The following FOLH1 variants were observed in gnomAD, a reference collection of about 807,000 sequenced individuals.
FOLH1 encodes folate hydrolase 1.
FOLH1 carries 54 observed loss-of-function variants against 93.9 expected under a neutral mutation model. That is an observed-to-expected ratio of 0.57 (90% confidence interval 0.46 to 0.72). FOLH1 has a LOEUF of 0.72. FOLH1 is among the 30% of genes least tolerant of loss of function. The pLI is 0.00. For missense variants in FOLH1, 571 were observed against 892.5 expected (o/e 0.64, Z 4.59); for synonymous variants, 249 against 303.6 (o/e 0.82, Z 1.87).
At chr11:49,147,968 T>C (rs1292384070) in intron 18 of FOLH1, among the ~76,000 whole-genome samples, 1 of 151,924 alleles carries the variant, frequency 6.6e-6, no homozygotes, top group Non-Finnish European at 1.5e-5. Context: ...AAAAATATGC[T>C]GCTACTGGTG....
chr11:49,201,519 A>C lies in FOLH1; in HGVS notation c.225-1078T>G, dbSNP rs866126114. ...TTCCTGTAACTTGTTTACTTTAATA[A>C]TTATATTAAAGTTATTTAAATTGTA... On this transcript the variant is annotated intron_variant, in intron 2 of 18. Coordinates refer to ENST00000256999, the MANE Select transcript of FOLH1 (RefSeq NM_004476.3). Among the ~76,000 whole-genome samples the C allele has an allele frequency of 4.6e-5, 7 of 151,694 alleles. 1 individual carries two copies. In the South Asian group the frequency reaches 1.5e-3, roughly 32 times the overall value.
At chr11:49,154,982 G>C (rs1407240476) in intron 15 of FOLH1, among the ~76,000 whole-genome samples, 1 of 151,964 alleles carries the variant, frequency 6.6e-6, no homozygotes, top group Non-Finnish European at 1.5e-5. Context: ...AGTGGTGAGG[G>C]GTGCAGTAGT....
chr11:49,196,420 T>A (rs12804232), intron 3 of FOLH1, among the ~76,000 whole-genome samples: 2 of 152,080 alleles, frequency 1.3e-5, no homozygotes, highest in Admixed American at 1.3e-4. Flanking sequence ...TTAATTGCAA[T>A]AAAACCTACT....
intron 3 of FOLH1, among the ~76,000 whole-genome samples, chr11:49,194,649 A>C (rs2135271239): frequency 6.6e-6 from 1 of 152,230 alleles, no homozygotes; most frequent in Non-Finnish European, 1.5e-5. Context: ...ATTATAAAAA[A>C]TGAAAATGGA....
At chr11:49,170,773 T>G (rs190392744) in intron 11 of FOLH1, among the ~76,000 whole-genome samples, 2 of 152,326 alleles carry the variant, frequency 1.3e-5, no homozygotes, top group Non-Finnish European at 2.9e-5. Context: ...TCAGACAAGA[T>G]TCTCCATTTA....
intron 7 of FOLH1, among the ~76,000 whole-genome samples, chr11:49,177,792 A>C (rs954328015): frequency 1.3e-5 from 2 of 151,152 alleles, no homozygotes; most frequent in African/African-American, 4.8e-5. Flanking sequence ...TACTAAAAAA[A>C]AAAAAAAAAA....
chr11:49,166,579 G>A (rs1363182516), intron 12 of FOLH1, among the ~76,000 whole-genome samples: 1 of 152,196 alleles, frequency 6.6e-6, no homozygotes, highest in Non-Finnish European at 1.5e-5. Context: ...ACTGAGGACA[G>A]TAATACCTTT....
chr11:49,194,313 T>G (rs1422855828), intron 3 of FOLH1, among the ~76,000 whole-genome samples: 1 of 151,918 alleles, frequency 6.6e-6, no homozygotes, highest in Non-Finnish European at 1.5e-5. Flanking sequence ...AGCGAAAATA[T>G]TTATTTTAAA....
Position 49,208,568 on chromosome 11 carries a change from G to C in FOLH1, c.-159C>G, listed in dbSNP as rs2135372364. On this transcript the variant is annotated 5_prime_UTR_variant, in exon 1 of 19. Transcript: ENST00000256999. ...GAATTCGCTCCAGACCTGGGGTCCA[G>C]TTTCTCCACCACAGCAGTGTTTCTA... 1 of 533,286 alleles carries C rather than the reference G, an allele frequency of 1.9e-6. No homozygotes were observed. Among genetic ancestry groups the C allele is most frequent in the Non-Finnish European group, 3.3e-6 (1 of 301,344 alleles). 33.0% of individuals were successfully genotyped at this position (533,286 alleles called of 1,614,324 possible). A position where few individuals can be genotyped will look rare whatever the true frequency, so the allele number is the denominator to read the frequency against.
At chr11:49,158,304 C>T (rs1857251180) in intron 13 of FOLH1, among the ~76,000 whole-genome samples, 1 of 152,064 alleles carries the variant, frequency 6.6e-6, no homozygotes, top group African/African-American at 2.4e-5. Context: ...CATACCAAGC[C>T]ATTGTCTTTA....
chr11:49,195,836 T>G (rs1862558741), intron 3 of FOLH1, among the ~76,000 whole-genome samples: 1 of 152,176 alleles, frequency 6.6e-6, no homozygotes, highest in African/African-American at 2.4e-5. Flanking sequence ...AAATAAAACT[T>G]ATGAAAACTG....
At chr11:49,184,627 C>T (rs1420152723) in intron 6 of FOLH1, among the ~76,000 whole-genome samples, 1 of 151,964 alleles carries the variant, frequency 6.6e-6, no homozygotes, top group African/African-American at 2.4e-5. Flanking sequence ...GTATTATGTT[C>T]TAAGAAGATT....
intron 16 of FOLH1, 109 bp from the exon 17 acceptor site, chr11:49,154,036 T>C: frequency 7.6e-7 from 1 of 1,315,076 alleles, no homozygotes; most frequent in South Asian, 1.6e-5. Context: ...TTTTGTGTTT[T>C]ACAAGGTATT....
Position 49,169,186 on chromosome 11 carries a change from G to T in FOLH1, c.1372+9C>A. 2 of 1,612,260 alleles carry T rather than the reference G, an allele frequency of 1.2e-6. No individual in the cohort carries two copies. The highest frequency in any genetic ancestry group is 1.7e-6 in the Non-Finnish European group (2 of 1,178,680). ...TCACATCTTTTCTTATGAGACCAAC[G>T]ATATTCACCTTCTATAGATGAGTCA... On this transcript the variant is annotated intron_variant, in intron 12 of 18. Transcript: ENST00000256999.
intron 3 of FOLH1, 28 bp from the exon 4 acceptor site, chr11:49,192,922 A>T: frequency 6.5e-7 from 1 of 1,545,616 alleles, no homozygotes; most frequent in Non-Finnish European, 8.7e-7. Flanking sequence ...TATAATCAAA[A>T]TAAAACAGTT....
intron 2 of FOLH1, among the ~76,000 whole-genome samples, chr11:49,201,058 A>G (rs548867716): frequency 4.6e-5 from 7 of 152,036 alleles, no homozygotes; most frequent in South Asian, 2.1e-4. Context: ...CAAAGAAATT[A>G]TGTGGCCAAA....
intron 9 of FOLH1, among the ~76,000 whole-genome samples, chr11:49,174,576 A>T (rs7120943): frequency 0.52 from 78,616 of 151,726 alleles, 21,808 homozygotes; most frequent in Admixed American, 0.62. Context: ...GTAAAAAAAA[A>T]TTCAGAAAAC....
chr11:49,180,727 T>C (rs1002315944), intron 7 of FOLH1, among the ~76,000 whole-genome samples: 14 of 152,306 alleles, frequency 9.2e-5, no homozygotes, highest in Admixed American at 5.9e-4. Context: ...AACCATATGT[T>C]CTTTTAAACA....
intron 3 of FOLH1, among the ~76,000 whole-genome samples, chr11:49,195,926 C>T (rs1158587397): frequency 1.3e-5 from 2 of 152,102 alleles, no homozygotes; most frequent in African/African-American, 2.4e-5. Flanking sequence ...CAGGCCGAGG[C>T]GGGTGGATTA....
Sources: allele counts gnomAD v4.1 joint callset (sites outside exome capture counted in the v4.1 genomes callset), GRCh38; gene constraint gnomAD v4.1.1; transcripts MANE v1.5; gene names NCBI Gene and HGNC (gene_info 2026-07-23, HGNC 2026-07-21).